Variants in EGFLAM observed in about 807,000 individuals in gnomAD.
EGFLAM encodes pikachurin.
Under a neutral mutation model 113.1 loss-of-function variants are expected in EGFLAM, and 79 were observed. That is an observed-to-expected ratio of 0.70 (90% CI 0.58 to 0.84). The LOEUF is 0.84. Ranked by LOEUF, EGFLAM falls within the 40% of genes least tolerant of loss-of-function variation. EGFLAM has a pLI of 0.00. For synonymous variants in EGFLAM, 504 were observed against 487.6 expected, an observed-to-expected ratio of 1.03 and a Z score of -0.44; for missense variants, 1,265 against 1,291.6, an observed-to-expected ratio of 0.98 and a Z score of 0.32.
At chr5:38,407,783 T>A in intron 8 of EGFLAM, 22 bp from the exon 9 acceptor site, 2 of 1,562,214 alleles carry the variant, frequency 1.3e-6, no homozygotes, top group Non-Finnish European at 1.8e-6. Flanking sequence ...CATTCTTTTG[T>A]GTTGTCTTTT....
intron 2 of EGFLAM, 112 bp from the exon 3 acceptor site, chr5:38,338,586 T>C: frequency 1.0e-6 from 1 of 965,578 alleles, no homozygotes; most frequent in Non-Finnish European, 1.6e-6. Flanking sequence ...CTAGTGCACG[T>C]GATGTTAGGC....
intron 17 of EGFLAM, chr5:38,445,419 C>T (rs1368591981): frequency 5.3e-6 from 7 of 1,310,580 alleles, no homozygotes; most frequent in South Asian, 3.8e-5. Context: ...TCTTGGTCCA[C>T]CGCCACGCCC....
chr5:38,268,473 G>A (rs1478983357), intron 1 of EGFLAM, among the ~76,000 whole-genome samples: 1 of 152,152 alleles, frequency 6.6e-6, no homozygotes, highest in African/African-American at 2.4e-5. Context: ...ACGGTTTCTG[G>A]GAAATGTCGT....
chr5:38,284,561 C>T (rs13182235), intron 1 of EGFLAM, among the ~76,000 whole-genome samples: 16,249 of 152,184 alleles, frequency 0.11, 904 homozygotes, highest in South Asian at 0.13. Context: ...CCCAAGCCTT[C>T]AGATAGGGAG....
chr5:38,270,617 A>G (rs1757742861), intron 1 of EGFLAM, among the ~76,000 whole-genome samples: 1 of 151,628 alleles, frequency 6.6e-6, no homozygotes, highest in South Asian at 2.1e-4. Flanking sequence ...CCAGTCAGAC[A>G]GACCTGGGTT....
chr5:38,389,220 G>A (rs1740749988), intron 6 of EGFLAM, among the ~76,000 whole-genome samples: 1 of 152,108 alleles, frequency 6.6e-6, no homozygotes, highest in Non-Finnish European at 1.5e-5. Context: ...TAGAAGCATT[G>A]ATGATTTACA....
At chr5:38,270,590 G>A (rs1757742470) in intron 1 of EGFLAM, among the ~76,000 whole-genome samples, 1 of 152,146 alleles carries the variant, frequency 6.6e-6, no homozygotes, top group African/African-American at 2.4e-5. Context: ...TCAGCTTGAA[G>A]GAATTGTAGT....
intron 6 of EGFLAM, among the ~76,000 whole-genome samples, chr5:38,377,978 G>A (rs1740409584): frequency 6.6e-6 from 1 of 152,106 alleles, no homozygotes; most frequent in Admixed American, 6.5e-5. Context: ...TTCCTAATAA[G>A]GCTAATTATG....
chr5:38,324,012 C>A (rs1030808403), intron 1 of EGFLAM, among the ~76,000 whole-genome samples: 1 of 134,616 alleles, frequency 7.4e-6, no homozygotes, highest in Non-Finnish European at 1.5e-5. Context: ...ACTACTCTAG[C>A]GTGCATGACA....
At chr5:38,289,276 C>CA (rs72124927) in intron 1 of EGFLAM, among the ~76,000 whole-genome samples, 2,283 of 149,980 alleles carry the variant, frequency 0.015, 89 homozygotes, top group African/African-American at 0.054. Context: ...TCTTTCCCCG[C>CA]CCCCACATTT....
At chr5:38,448,264 A>G (rs778085909) in intron 17 of EGFLAM, 37 bp from the exon 18 acceptor site, 14 of 1,611,808 alleles carry the variant, frequency 8.7e-6, no homozygotes, top group East Asian at 2.2e-5. Context: ...CAAGAGAACC[A>G]CATACTATGT....
intron 1 of EGFLAM, among the ~76,000 whole-genome samples, chr5:38,307,279 C>A (rs1013940128): frequency 6.6e-6 from 1 of 152,136 alleles, no homozygotes; most frequent in African/African-American, 2.4e-5. Flanking sequence ...GTGTCCCCAC[C>A]CAAATCTCAT....
chr5:38,413,185 A>ATTTTTTT (rs34326457), intron 11 of EGFLAM, among the ~76,000 whole-genome samples: 16 of 100,880 alleles, frequency 1.6e-4, no homozygotes, highest in Non-Finnish European at 2.5e-4. Context: ...TGCCTGGCTA[A>ATTTTTTT]TTTTTTTTTT....
intron 1 of EGFLAM, among the ~76,000 whole-genome samples, chr5:38,305,814 G>C (rs2111841730): frequency 6.6e-6 from 1 of 152,318 alleles, no homozygotes; most frequent in East Asian, 1.9e-4. Flanking sequence ...CTCTCGCTGT[G>C]ACCCCAGAAA....
At chr5:38,406,753 C>A in intron 7 of EGFLAM, 75 bp from the exon 8 acceptor site, 6 of 1,419,054 alleles carry the variant, frequency 4.2e-6, no homozygotes, top group Non-Finnish European at 5.8e-6. Context: ...AAGTACTAGG[C>A]AACAACTATA....
chr5:38,355,091 T>C (rs1209049255), intron 5 of EGFLAM, among the ~76,000 whole-genome samples: 2 of 152,194 alleles, frequency 1.3e-5, no homozygotes, highest in African/African-American at 4.8e-5. Flanking sequence ...AATAGTTTAT[T>C]TGGAAGTGGG....
In EGFLAM at chr5:38,427,070, G is replaced by A. The variant is rs1742034908; in HGVS notation, c.1872G>A (p.Trp624Ter). ...TGAGATCTTACGCTGCAACTCCCTG[G>A]CCACTGGAGCCCCAGCATTACCTTT... ...ESLRSYAATP[W>*]PLEPQHYLSF... The change falls in exon 14 of 22, where the codon TGG becomes TGA. Residue 624 changes from tryptophan to a stop codon, truncating the protein, a stop_gained. Transcript: ENST00000322350. LOFTEE classifies it high-confidence loss of function. 1.2e-6 allele frequency: 2 copies of A among 1,614,018 alleles called. No homozygotes were observed. Among genetic ancestry groups the A allele is most frequent in the East Asian group, 4.5e-5 (2 of 44,880 alleles).
At chr5:38,406,085 G>A (rs1458506351) in intron 6 of EGFLAM, 41 bp from the exon 7 acceptor site, 35 of 1,504,430 alleles carry the variant, frequency 2.3e-5, no homozygotes, top group Non-Finnish European at 3.1e-5. Flanking sequence ...GTGCAAAGAA[G>A]GCCTGTGCTG....
intron 4 of EGFLAM, 77 bp downstream of exon 4, chr5:38,350,695 A>G: frequency 7.3e-7 from 1 of 1,365,222 alleles, no homozygotes; most frequent in South Asian, 1.3e-5. Flanking sequence ...ATCAATAGGG[A>G]CTTACTATGT....
Sources: gnomAD v4.1 joint callset for allele counts (sites outside exome capture counted in the v4.1 genomes callset) on GRCh38, gnomAD v4.1.1 for gene constraint, MANE v1.5 for transcripts, NCBI Gene and HGNC (gene_info 2026-07-23, HGNC 2026-07-21) for gene names.